TMEM181: variants seen among roughly 807,000 people sequenced by gnomAD.
TMEM181 encodes G protein-coupled receptor 178.
A neutral mutation model predicts 71.9 loss-of-function variants in TMEM181; 39 were observed. The observed-to-expected ratio is 0.54, with a 90% confidence interval of 0.42 to 0.71. The LOEUF is 0.71. Among genes scored for constraint, TMEM181 ranks in the 30% least tolerant of loss-of-function variants. The probability of loss-of-function intolerance (pLI) is 0.00; values close to 1 mark genes in which losing one functional copy is unlikely to be tolerated. For missense variants in TMEM181, 595 were observed against 583.0 expected, an observed-to-expected ratio of 1.02 and a Z score of -0.21; for synonymous variants, 245 against 228.8, an observed-to-expected ratio of 1.07 and a Z score of -0.64.
chr6:158,579,634 G>T (rs184235200), intron 2 of TMEM181, among the ~76,000 whole-genome samples: 1 of 150,898 alleles, frequency 6.6e-6, no homozygotes, highest in Non-Finnish European at 1.5e-5. Flanking sequence ...CAGGAGAATC[G>T]CTTGAACCTG....
At chr6:158,588,651 A>G (rs935745894) in intron 5 of TMEM181, among the ~76,000 whole-genome samples, 1 of 152,024 alleles carries the variant, frequency 6.6e-6, no homozygotes, top group African/African-American at 2.4e-5. Context: ...GGGTTTCACT[A>G]TGTTGGCCAA....
chr6:158,540,181 T>C (rs1781289094), intron 1 of TMEM181, among the ~76,000 whole-genome samples: 1 of 152,176 alleles, frequency 6.6e-6, no homozygotes, highest in Non-Finnish European at 1.5e-5. Flanking sequence ...AAGAATAACT[T>C]GAAGTCTACA....
intron 6 of TMEM181, among the ~76,000 whole-genome samples, chr6:158,601,682 C>T (rs536770117): frequency 1.5e-4 from 23 of 151,496 alleles, no homozygotes; most frequent in African/African-American, 5.6e-4. Context: ...TCGCTTGAAC[C>T]TGGGAGACGG....
intron 2 of TMEM181, among the ~76,000 whole-genome samples, chr6:158,574,660 C>T (rs1050838805): frequency 6.6e-6 from 1 of 152,120 alleles, no homozygotes; most frequent in East Asian, 1.9e-4. Flanking sequence ...TTTCTACATC[C>T]CCTTCTTTCT....
chr6:158,572,558 G>A (rs1220402629), intron 1 of TMEM181: 7 of 448,134 alleles, frequency 1.6e-5, no homozygotes, highest in Admixed American at 7.1e-5. Context: ...ATGCTCGTGC[G>A]TCCTGTGCTG....
intron 1 of TMEM181, among the ~76,000 whole-genome samples, chr6:158,541,898 C>CTTTTTTT (rs10583860): frequency 1.4e-4 from 9 of 66,622 alleles, no homozygotes; most frequent in Non-Finnish European, 2.2e-4. Context: ...GGGATTTTAT[C>CTTTTTTT]TTTTTTTTTT....
At chr6:158,591,112 C>T (rs751000495) in intron 6 of TMEM181, among the ~76,000 whole-genome samples, 4 of 152,188 alleles carry the variant, frequency 2.6e-5, no homozygotes, top group Non-Finnish European at 4.4e-5. Flanking sequence ...AGGTGACAGG[C>T]GTTTGGGTTG....
intron 11 of TMEM181, among the ~76,000 whole-genome samples, chr6:158,623,867 T>C (rs888750698): frequency 6.6e-6 from 1 of 152,070 alleles, no homozygotes; most frequent in African/African-American, 2.4e-5. Flanking sequence ...TTCAAGTGGT[T>C]CTCCTGCGTC....
rs138186971 is a variant in TMEM181, at chr6:158,540,266, A to G, written c.131+3401A>G. Among the ~76,000 whole-genome samples the G allele has an allele frequency of 1.0e-3, 157 of 152,334 alleles. 1 individual carries two copies. Among genetic ancestry groups the G allele is most frequent in the African/African-American group, 3.3e-3 (138 of 41,586 alleles). On this transcript the variant is annotated intron_variant, in intron 1 of 16. Coordinates refer to the TMEM181 transcript ENST00000367090. ...GACATGGAATGTTCACGCACTGCGG[A>G]TGGGAGGGTAAATTGCTATAATCAT...
chr6:158,571,153 G>T (rs1782788198), intron 1 of TMEM181, among the ~76,000 whole-genome samples: 1 of 151,880 alleles, frequency 6.6e-6, no homozygotes, highest in South Asian at 2.1e-4. Flanking sequence ...CTGAAGTGCA[G>T]TGGTGCCATC....
At chr6:158,549,912 AGAC>A (rs1381636217) in intron 1 of TMEM181, among the ~76,000 whole-genome samples, 1 of 148,624 alleles carries the variant, frequency 6.7e-6, no homozygotes, top group Non-Finnish European at 1.5e-5. Context: ...TAAGTGCATA[AGAC>A]TCCTCTTCAT....
chr6:158,564,806 C>T (rs4709213), intron 1 of TMEM181, among the ~76,000 whole-genome samples: 91,466 of 151,998 alleles, frequency 0.6, 28,155 homozygotes, highest in East Asian at 0.76. Context: ...CATTTTGGGC[C>T]AAAGGAGAAG....
chr6:158,626,069 G>A (rs1786258892), intron 13 of TMEM181, among the ~76,000 whole-genome samples: 1 of 152,212 alleles, frequency 6.6e-6, no homozygotes, highest in African/African-American at 2.4e-5. Context: ...AGGGCACTGG[G>A]GACCTCGGGA....
chr6:158,541,734 CTG>C (rs1781355270), intron 1 of TMEM181, among the ~76,000 whole-genome samples: 1 of 152,194 alleles, frequency 6.6e-6, no homozygotes, highest in Non-Finnish European at 1.5e-5. Flanking sequence ...CCTGACGCAT[CTG>C]TACTGATTTT....
chr6:158,562,565 G>A (rs897881983), intron 1 of TMEM181, among the ~76,000 whole-genome samples: 8 of 151,852 alleles, frequency 5.3e-5, no homozygotes, highest in African/African-American at 1.9e-4. Flanking sequence ...GTATTAATTA[G>A]AACCACCTTC....
chr6:158,621,624 A>T (rs955976347), intron 10 of TMEM181: 1 of 155,230 alleles, frequency 6.4e-6, no homozygotes, highest in Admixed American at 6.5e-5. Flanking sequence ...ACCTTGTGCC[A>T]ATCCAGCACC....
intron 10 of TMEM181, among the ~76,000 whole-genome samples, chr6:158,613,912 G>A (rs1418547371): frequency 6.6e-6 from 1 of 152,112 alleles, no homozygotes; most frequent in Non-Finnish European, 1.5e-5. Context: ...AATAAGGATT[G>A]GCAGTGTCCT....
At chr6:158,544,870 T>C (rs4709206) in intron 1 of TMEM181, among the ~76,000 whole-genome samples, 43,154 of 152,208 alleles carry the variant, frequency 0.28, 6,915 homozygotes, top group East Asian at 0.56. Context: ...ACGTCATACA[T>C]GCTTCCATAA....
chr6:158,628,227 G>T, intron 13 of TMEM181, 181 bp from the exon 14 acceptor site: 1 of 711,808 alleles, frequency 1.4e-6, no homozygotes, highest in South Asian at 1.5e-5. Flanking sequence ...AGAAGCAGGG[G>T]CTGTGTGTGT....
Sources: allele counts gnomAD v4.1 joint callset (sites outside exome capture counted in the v4.1 genomes callset), GRCh38; gene constraint gnomAD v4.1.1; transcripts MANE v1.5; gene names NCBI Gene and HGNC (gene_info 2026-07-23, HGNC 2026-07-21).